Variants in NAA11 observed in about 807,000 individuals in gnomAD.
NAA11 encodes the protein N-alpha-acetyltransferase 11, NatA catalytic subunit.
NAA11 carries 15 observed loss-of-function variants against 16.1 expected under a neutral mutation model. That is an observed-to-expected ratio of 0.93 (90% CI 0.62 to 1.44). The LOEUF is 1.44. Ranked by LOEUF, NAA11 falls within the 40% of genes most tolerant of loss-of-function variation. The probability of loss-of-function intolerance (pLI) is 0.00; values close to 1 mark genes in which losing one functional copy is unlikely to be tolerated. For missense variants in NAA11, 298 were observed against 291.3 expected (o/e 1.02, Z -0.17); for synonymous variants, 122 against 112.4 (o/e 1.09, Z -0.54).
chr4:79,174,464 C>T, the NAA11 span, among the ~76,000 whole-genome samples: 2 of 152,066 alleles, frequency 1.3e-5, no homozygotes, highest in Non-Finnish European at 1.5e-5. Flanking sequence ...CAATAATATA[C>T]AGTCTCAGTA....
the NAA11 span, among the ~76,000 whole-genome samples, chr4:79,208,149 C>T: frequency 4.6e-5 from 7 of 152,046 alleles, no homozygotes; most frequent in East Asian, 9.6e-4. Flanking sequence ...CAGAATGTTG[C>T]GAGAATCAAG....
the NAA11 span, among the ~76,000 whole-genome samples, chr4:79,171,360 C>G: frequency 6.6e-6 from 1 of 152,146 alleles, no homozygotes; most frequent in Non-Finnish European, 1.5e-5. Flanking sequence ...GCCCTTCCAC[C>G]TTTCACTGTG....
chr4:79,168,525 A>T, the NAA11 span, among the ~76,000 whole-genome samples: 78 of 152,296 alleles, frequency 5.1e-4, no homozygotes, highest in Non-Finnish European at 1.1e-3. Context: ...CATCCTCTCC[A>T]GCATCTGTTG....
intron 1 of NAA11, among the ~76,000 whole-genome samples, chr4:79,307,718 T>C (rs1408554496): frequency 6.6e-6 from 1 of 152,192 alleles, no homozygotes; most frequent in Non-Finnish European, 1.5e-5. Context: ...ATATTGCTTG[T>C]TTCCTATGGC....
At chr4:79,256,401 C>T (rs1722107418) in intron 2 of NAA11, among the ~76,000 whole-genome samples, 1 of 151,764 alleles carries the variant, frequency 6.6e-6, no homozygotes, top group Non-Finnish European at 1.5e-5. Flanking sequence ...CAGTTCAGTT[C>T]AGTGTGTTCC....
chr4:79,161,084 G>A, the NAA11 span, among the ~76,000 whole-genome samples: 3 of 152,264 alleles, frequency 2.0e-5, no homozygotes, highest in South Asian at 2.1e-4. Context: ...TTTATTCTGT[G>A]ATTCATTTTG....
the NAA11 span, among the ~76,000 whole-genome samples, chr4:79,202,623 T>TTATATATATATA: frequency 0.025 from 1,307 of 52,598 alleles, 179 homozygotes; most frequent in East Asian, 0.053. Context: ...ATATATAGTT[T>TTATATATATATA]TATATATATA....
In NAA11 at chr4:79,325,420, T is replaced by C. The variant is rs778593219; in HGVS notation, c.458A>G (p.Gln153Arg). The C allele has an allele frequency of 6.2e-7, 1 of 1,614,256 alleles. No homozygotes were observed. The highest frequency in any genetic ancestry group is 1.1e-5 in the South Asian group (1 of 91,088). The change falls in exon 1 of 2, where the codon CAG becomes CGG. Residue 153 changes from glutamine (Q) to arginine (R), a missense_variant. By Grantham distance (43) the Gln-to-Arg change is conservative. Transcript: ENST00000286794. ...DAYAMKRDLS[Q>R]MADELRRQMD... ...TTGTCGTCTCAGCTCATCTGCCATC[T>C]GCGAGAGATCCCGCTTCATAGCATA...
chr4:79,193,048 A>G, the NAA11 span, among the ~76,000 whole-genome samples: 1 of 151,786 alleles, frequency 6.6e-6, no homozygotes, highest in South Asian at 2.1e-4. Flanking sequence ...GTCTGTTCAT[A>G]TCCTTTGCCC....
intron 2 of NAA11, among the ~76,000 whole-genome samples, chr4:79,271,996 G>GTA (rs1224961189): frequency 4.6e-5 from 7 of 151,112 alleles, no homozygotes; most frequent in Non-Finnish European, 1.0e-4. Flanking sequence ...ATATATATAT[G>GTA]TATACACACA....
In NAA11 at chr4:79,325,545, G is replaced by A; in HGVS notation, c.333C>T (p.Val111=). ...NFNAKYVSLH[V]RKSNRPALHL... is the part of the protein sequence containing the mutation. Reference sequence around the variant, plus strand: ...GCAAGGCTGGCCGGTTACTCTTCCTGACGTGCAGAGACACGTATTTGGCGT... The same window carrying A: ...GCAAGGCTGGCCGGTTACTCTTCCTAACGTGCAGAGACACGTATTTGGCGT... Residue 111 remains valine (V), a synonymous_variant, in exon 1 of 2, where the codon GTC becomes GTT. Coordinates refer to ENST00000286794, the MANE Select transcript of NAA11 (RefSeq NM_032693.3). 1.9e-6 allele frequency: 3 copies of A among 1,614,144 alleles called. No homozygotes were observed. Among genetic ancestry groups the A allele is most frequent in the Non-Finnish European group, 1.7e-6 (2 of 1,179,980 alleles).
the NAA11 span, among the ~76,000 whole-genome samples, chr4:79,187,761 C>G: frequency 6.6e-6 from 1 of 151,980 alleles, no homozygotes; most frequent in African/African-American, 2.4e-5. Context: ...CTTTGGGAGG[C>G]CGAGGCGGGC....
At chr4:79,290,106 G>T (rs1723046063) in intron 2 of NAA11, among the ~76,000 whole-genome samples, 1 of 152,118 alleles carries the variant, frequency 6.6e-6, no homozygotes, top group Admixed American at 6.6e-5. Context: ...GAAGCAAAGG[G>T]CCAGGAAACT....
At chr4:79,204,926 T>TAC in the NAA11 span, among the ~76,000 whole-genome samples, 4,048 of 39,650 alleles carry the variant, frequency 0.1, 180 homozygotes, top group African/African-American at 0.26. Flanking sequence ...CCATGGTGTG[T>TAC]ATACACACAC....
At chr4:79,157,192 T>G in the NAA11 span, among the ~76,000 whole-genome samples, 1 of 152,156 alleles carries the variant, frequency 6.6e-6, no homozygotes, top group Non-Finnish European at 1.5e-5. Context: ...GAGATTTTGT[T>G]GCACCCATTA....
intron 1 of NAA11, among the ~76,000 whole-genome samples, chr4:79,323,094 A>C (rs1468055498): frequency 6.6e-6 from 1 of 152,194 alleles, no homozygotes; most frequent in African/African-American, 2.4e-5. Context: ...TATTTTTATG[A>C]ATGAGTAGAC....
At chr4:79,168,136 C>T in the NAA11 span, among the ~76,000 whole-genome samples, 1 of 151,962 alleles carries the variant, frequency 6.6e-6, no homozygotes, top group Non-Finnish European at 1.5e-5. Context: ...TTTTCTGTTC[C>T]TGTGTTAGTT....
intron 2 of NAA11, among the ~76,000 whole-genome samples, chr4:79,230,066 A>C (rs1721421088): frequency 6.6e-6 from 1 of 151,926 alleles, no homozygotes; most frequent in African/African-American, 2.4e-5. Context: ...TGAACTCATC[A>C]TTTTTTATGG....
the NAA11 span, among the ~76,000 whole-genome samples, chr4:79,207,829 T>C: frequency 6.6e-6 from 1 of 152,108 alleles, no homozygotes; most frequent in African/African-American, 2.4e-5. Flanking sequence ...AAGAACATTG[T>C]TCTTCATTTA....
Sources: allele counts gnomAD v4.1 joint callset (sites outside exome capture counted in the v4.1 genomes callset), GRCh38; gene constraint gnomAD v4.1.1; transcripts MANE v1.5; gene names NCBI Gene and HGNC (gene_info 2026-07-23, HGNC 2026-07-21).